RAD51B: variants seen among roughly 807,000 people sequenced by gnomAD.
RAD51B encodes DNA repair protein RAD51 homolog 2.
In RAD51B, 38 loss-of-function variants were observed where a neutral mutation model predicts 42.2. The ratio of observed to expected loss-of-function variants is 0.90; its 90% CI spans 0.70 to 1.18. The LOEUF (loss-of-function observed/expected upper bound fraction) is 1.18, where lower values mean the gene tolerates loss of function less well. RAD51B is among the 50% of genes most tolerant of loss of function. RAD51B has a pLI of 0.00. For synonymous variants in RAD51B, 154 were observed against 145.2 expected (o/e 1.06, Z -0.43); for missense variants, 373 against 400.7 (o/e 0.93, Z 0.59).
chr14:68,658,684 C>T (rs1220882981), intron 11 of RAD51B, among the ~76,000 whole-genome samples: 1 of 152,188 alleles, frequency 6.6e-6, no homozygotes, highest in African/African-American at 2.4e-5. Flanking sequence ...CAGGGTTCTC[C>T]CTGCCTTCTG....
At chr14:68,534,900 G>T (rs996932108) in intron 10 of RAD51B, among the ~76,000 whole-genome samples, 5 of 152,100 alleles carry the variant, frequency 3.3e-5, no homozygotes, top group African/African-American at 1.2e-4. Context: ...TATTTATTGA[G>T]CACTAATGTG....
intron 7 of RAD51B, among the ~76,000 whole-genome samples, chr14:68,207,847 A>AT (rs548441421): frequency 4.8e-4 from 73 of 150,600 alleles, no homozygotes; most frequent in East Asian, 3.7e-3. Flanking sequence ...CTCATTTGAG[A>AT]TTTTTTTTTT....
chr14:68,031,609 G>A (rs184382798), intron 7 of RAD51B, among the ~76,000 whole-genome samples: 22 of 152,150 alleles, frequency 1.4e-4, no homozygotes, highest in African/African-American at 4.6e-4. Context: ...TGGGAAGATC[G>A]CTTGAGGTTA....
At chr14:68,591,855 T>A (rs1267197156) in intron 10 of RAD51B, among the ~76,000 whole-genome samples, 3 of 152,106 alleles carry the variant, frequency 2.0e-5, no homozygotes, top group African/African-American at 4.8e-5. Context: ...GCCGGCCACC[T>A]GGATGGGCCT....
At chr14:68,665,689 C>T (rs1440214466) in intron 11 of RAD51B, among the ~76,000 whole-genome samples, 3 of 152,236 alleles carry the variant, frequency 2.0e-5, no homozygotes, top group African/African-American at 7.2e-5. Context: ...CACATTGGTA[C>T]TGCCCCTAGA....
intron 7 of RAD51B, among the ~76,000 whole-genome samples, chr14:68,138,559 C>A (rs569572225): frequency 5.9e-5 from 9 of 152,044 alleles, no homozygotes; most frequent in Non-Finnish European, 1.3e-4. Flanking sequence ...TTCTGTCTTT[C>A]TCTGTATCTG....
intron 7 of RAD51B, among the ~76,000 whole-genome samples, chr14:68,011,002 G>T (rs1042452241): frequency 6.6e-6 from 1 of 151,836 alleles, no homozygotes; most frequent in African/African-American, 2.4e-5. Context: ...TGAAAGAAAG[G>T]TAGTGAGTCA....
intron 10 of RAD51B, among the ~76,000 whole-genome samples, chr14:68,528,584 C>T (rs1396182183): frequency 1.3e-5 from 2 of 151,916 alleles, no homozygotes; most frequent in Middle Eastern, 3.2e-3. Context: ...GCATGAAGAG[C>T]AAGAAAGAGA....
intron 7 of RAD51B, among the ~76,000 whole-genome samples, chr14:68,185,116 C>T (rs2079131876): frequency 6.6e-6 from 1 of 152,036 alleles, no homozygotes. Context: ...TACTACTTCA[C>T]CCCCACCAGC....
In RAD51B at chr14:68,345,092, G is replaced by A. The variant is rs543711085; in HGVS notation, c.853+53112G>A. Among the ~76,000 whole-genome samples the A allele has an allele frequency of 6.8e-4, 104 of 152,118 alleles. 1 individual carries two copies. Among genetic ancestry groups the A allele is most frequent in the South Asian group, 4.1e-4 (2 of 4,820 alleles). On this transcript the variant is annotated intron_variant, in intron 8 of 10. Coordinates refer to ENST00000471583, the MANE Select transcript of RAD51B (RefSeq NM_133510.4). The stretch of plus-strand genomic sequence containing the variant: ...AATGCCCATATTACCATTGTATCTC[G>A]GAAATAAATAACTTGTTTTTGATCT...
At chr14:68,574,682 C>G (rs1382197109) in intron 10 of RAD51B, among the ~76,000 whole-genome samples, 1 of 152,178 alleles carries the variant, frequency 6.6e-6, no homozygotes, top group African/African-American at 2.4e-5. Flanking sequence ...TGCAACAGCC[C>G]CGTGGTTTCA....
At chr14:68,120,514 C>T (rs906660355) in intron 7 of RAD51B, among the ~76,000 whole-genome samples, 1 of 152,174 alleles carries the variant, frequency 6.6e-6, no homozygotes, top group Non-Finnish European at 1.5e-5. Context: ...AAAACTGGCC[C>T]TCAATACATA....
intron 7 of RAD51B, among the ~76,000 whole-genome samples, chr14:67,952,121 A>C (rs1338676271): frequency 6.6e-6 from 1 of 152,144 alleles, no homozygotes; most frequent in Non-Finnish European, 1.5e-5. Context: ...TATGTTAGCA[A>C]CAGTATTGTC....
At chr14:68,038,730 C>T (rs1324127673) in intron 7 of RAD51B, among the ~76,000 whole-genome samples, 3 of 152,090 alleles carry the variant, frequency 2.0e-5, no homozygotes, top group Non-Finnish European at 4.4e-5. Context: ...AGGCAGCCCC[C>T]ACCAGCTCCC....
intron 8 of RAD51B, among the ~76,000 whole-genome samples, chr14:68,404,642 A>G (rs1478262418): frequency 1.3e-5 from 2 of 152,176 alleles, no homozygotes; most frequent in Non-Finnish European, 2.9e-5. Context: ...TAAGTAAACT[A>G]TCTTTCCAAT....
chr14:68,613,646 G>A, downstream of RAD51B, among the ~76,000 whole-genome samples: 1 of 151,834 alleles, frequency 6.6e-6, no homozygotes, highest in Admixed American at 6.6e-5. Context: ...AGTAGAGATG[G>A]GGTTTCACCG....
intron 4 of RAD51B, among the ~76,000 whole-genome samples, chr14:67,837,132 T>C (rs2041269417): frequency 6.6e-6 from 1 of 151,938 alleles, no homozygotes; most frequent in Non-Finnish European, 1.5e-5. Flanking sequence ...GAATTAGTTA[T>C]TAATAAAAAT....
At chr14:68,350,960 T>C (rs1338019895) in intron 8 of RAD51B, among the ~76,000 whole-genome samples, 1 of 152,218 alleles carries the variant, frequency 6.6e-6, no homozygotes, top group East Asian at 1.9e-4. Context: ...TGGCATCCCC[T>C]AGCTGGGAAA....
chr14:68,203,414 C>A (rs2079528689), intron 7 of RAD51B, among the ~76,000 whole-genome samples: 1 of 152,168 alleles, frequency 6.6e-6, no homozygotes, highest in African/African-American at 2.4e-5. Context: ...TTAAAATATT[C>A]ATTAAGACAT....
Sources: gnomAD v4.1 joint callset for allele counts (sites outside exome capture counted in the v4.1 genomes callset) on GRCh38, gnomAD v4.1.1 for gene constraint, MANE v1.5 for transcripts, NCBI Gene and HGNC (gene_info 2026-07-23, HGNC 2026-07-21) for gene names.